Variants in PDE4B observed in about 807,000 individuals in gnomAD.
PDE4B encodes phosphodiesterase 4B.
PDE4B carries 20 observed loss-of-function variants against 82.2 expected under a neutral mutation model. The observed-to-expected ratio is 0.24, with a 90% CI of 0.17 to 0.35. The LOEUF (loss-of-function observed/expected upper bound fraction) is 0.35. Ranked by LOEUF, PDE4B falls within the 10% of genes least tolerant of loss-of-function variation. PDE4B has a pLI of 1.00. For synonymous variants in PDE4B, 320 were observed against 318.9 expected, an observed-to-expected ratio of 1.00 and a Z score of -0.04; for missense variants, 655 against 907.2, an observed-to-expected ratio of 0.72 and a Z score of 3.57.
chr1:65,894,618 A>G (rs766588090), intron 1 of PDE4B, among the ~76,000 whole-genome samples: 10 of 152,190 alleles, frequency 6.6e-5, no homozygotes, highest in Non-Finnish European at 1.2e-4. Flanking sequence ...TACAAAGCAT[A>G]TATCTTGTAA....
At chr1:66,139,372 C>T (rs1646122213) in intron 3 of PDE4B, among the ~76,000 whole-genome samples, 1 of 152,082 alleles carries the variant, frequency 6.6e-6, no homozygotes, top group Non-Finnish European at 1.5e-5. Context: ...TTAATACTGG[C>T]CAGTTTCCTC....
chr1:66,356,301 G>A (rs1027289205), intron 9 of PDE4B, among the ~76,000 whole-genome samples: 26 of 152,266 alleles, frequency 1.7e-4, no homozygotes, highest in African/African-American at 6.3e-4. Context: ...CAAAAAGATT[G>A]CATGAATGGT....
At chr1:66,124,890 T>C (rs926010934) in intron 3 of PDE4B, among the ~76,000 whole-genome samples, 1 of 147,882 alleles carries the variant, frequency 6.8e-6, no homozygotes, top group African/African-American at 2.5e-5. Flanking sequence ...TAAGTGGTCC[T>C]AGCCTGAACG....
chr1:66,123,549 C>T (rs905932874), intron 3 of PDE4B, among the ~76,000 whole-genome samples: 3 of 151,428 alleles, frequency 2.0e-5, no homozygotes, highest in African/African-American at 7.3e-5. Flanking sequence ...TCTCTCCCTC[C>T]CTCCTTCCCT....
intron 7 of PDE4B, among the ~76,000 whole-genome samples, chr1:66,327,121 C>G (rs1159442605): frequency 2.0e-5 from 3 of 152,170 alleles, no homozygotes; most frequent in Non-Finnish European, 4.4e-5. Flanking sequence ...TCTAATTACC[C>G]TTTCCTGTCA....
chr1:65,947,280 G>T (rs1166334350), intron 3 of PDE4B, among the ~76,000 whole-genome samples: 2 of 152,030 alleles, frequency 1.3e-5, no homozygotes, highest in Non-Finnish European at 2.9e-5. Flanking sequence ...AAATGAAAAA[G>T]AAAACATTTG....
intron 3 of PDE4B, among the ~76,000 whole-genome samples, chr1:65,952,873 A>G (rs1456318299): frequency 6.6e-6 from 1 of 152,116 alleles, no homozygotes; most frequent in Non-Finnish European, 1.5e-5. Context: ...GAAAGCACTT[A>G]GCAAAACGTC....
intron 7 of PDE4B, among the ~76,000 whole-genome samples, chr1:66,325,932 C>T (rs547049995): frequency 6.6e-6 from 1 of 152,258 alleles, no homozygotes; most frequent in South Asian, 2.1e-4. Context: ...AATGGAAGCA[C>T]AGTGGGCTAC....
At chr1:66,280,269 G>T (rs899232976) in intron 7 of PDE4B, among the ~76,000 whole-genome samples, 1 of 152,194 alleles carries the variant, frequency 6.6e-6, no homozygotes, top group Non-Finnish European at 1.5e-5. Flanking sequence ...TTGACAGTGC[G>T]CAAGTAGTGG....
At chr1:66,205,359 A>C (rs1649463886) in intron 3 of PDE4B, among the ~76,000 whole-genome samples, 1 of 152,226 alleles carries the variant, frequency 6.6e-6, no homozygotes, top group Non-Finnish European at 1.5e-5. Context: ...CTTCACCCAG[A>C]GATAACTACT....
chr1:66,283,331 A>C (rs568044749), intron 7 of PDE4B, among the ~76,000 whole-genome samples: 3 of 152,000 alleles, frequency 2.0e-5, no homozygotes, highest in African/African-American at 7.2e-5. Context: ...GACCAAATAC[A>C]TCATTGCCGT....
In PDE4B at chr1:66,321,727, C is replaced by T. The variant is rs554029480; in HGVS notation, c.635-10781C>T. 3.9e-5 allele frequency among the ~76,000 whole-genome samples: 6 copies of T among 152,278 alleles called. No homozygotes were observed. In the East Asian group the frequency reaches 5.8e-4, roughly 15 times the overall value. On this transcript the variant is annotated intron_variant, in intron 7 of 16. Transcript: ENST00000341517. ...GCTCATGGATAGGAAGAATCAATAT[C>T]GTGAACATGGCCATACTGCCCAAGG... is the stretch of plus-strand genomic sequence containing the variant.
intron 3 of PDE4B, among the ~76,000 whole-genome samples, chr1:65,928,356 T>C (rs1216361756): frequency 6.6e-6 from 1 of 152,196 alleles, no homozygotes; most frequent in Non-Finnish European, 1.5e-5. Context: ...TGCAGTAGGC[T>C]TCCTATCAAT....
At chr1:66,163,413 C>G (rs1337792246) in intron 3 of PDE4B, among the ~76,000 whole-genome samples, 1 of 151,996 alleles carries the variant, frequency 6.6e-6, no homozygotes, top group Non-Finnish European at 1.5e-5. Context: ...TTTAGGAACT[C>G]TATAATAATG....
chr1:66,169,854 A>G (rs893188337), intron 3 of PDE4B, among the ~76,000 whole-genome samples: 6 of 152,208 alleles, frequency 3.9e-5, no homozygotes, highest in Admixed American at 3.9e-4. Flanking sequence ...TCCTACACGC[A>G]TCATGGGAAG....
chr1:65,992,959 G>A, intron 3 of PDE4B: 2 of 1,613,916 alleles, frequency 1.2e-6, no homozygotes, highest in Non-Finnish European at 1.7e-6. Context: ...CCTGAGGTTT[G>A]CATAAAGACT....
intron 3 of PDE4B, among the ~76,000 whole-genome samples, chr1:66,206,930 A>G (rs1649601112): frequency 1.3e-5 from 2 of 152,234 alleles, no homozygotes; most frequent in Admixed American, 6.5e-5. Context: ...CCAGCTTATC[A>G]TGGACTGATT....
chr1:66,090,691 A>ATCTGTG (rs1344411764), intron 3 of PDE4B, among the ~76,000 whole-genome samples: 1 of 147,044 alleles, frequency 6.8e-6, no homozygotes, highest in Non-Finnish European at 1.5e-5. Context: ...ATGTATCTGT[A>ATCTGTG]TATAAGTATA....
In PDE4B at chr1:66,230,161, C is replaced by T. The variant is rs116082600; in HGVS notation, c.282-17299C>T. 2.8e-3 allele frequency among the ~76,000 whole-genome samples: 433 copies of T among 152,288 alleles called. 1 individual carries two copies. Among genetic ancestry groups the T allele is most frequent in the Non-Finnish European group, 5.4e-3 (369 of 68,022 alleles). On this transcript the variant is annotated intron_variant, in intron 3 of 16. Transcript: ENST00000341517. Reference sequence around the variant, plus strand: ...GTTTTTGCAGCCCCTGTCCTAGGCTCTTGCTCACATATGGACTTGAATTTG... The same window carrying T: ...GTTTTTGCAGCCCCTGTCCTAGGCTTTTGCTCACATATGGACTTGAATTTG...
Sources: gnomAD v4.1 joint callset for allele counts (sites outside exome capture counted in the v4.1 genomes callset) on GRCh38, gnomAD v4.1.1 for gene constraint, MANE v1.5 for transcripts, NCBI Gene and HGNC (gene_info 2026-07-23, HGNC 2026-07-21) for gene names.